The following SH2B2 variants were observed in gnomAD, a reference collection of about 807,000 sequenced individuals.
SH2B2 encodes SH2B adaptor protein 2, also known as SH2B adapter protein 2.
In SH2B2, 37 loss-of-function variants were observed where a neutral mutation model predicts 35.7. The observed-to-expected ratio is 1.04, with a 90% confidence interval of 0.80 to 1.36. SH2B2 has a LOEUF of 1.36. Ranked by LOEUF, SH2B2 falls within the 40% of genes most tolerant of loss-of-function variation. The probability of loss-of-function intolerance (pLI) is 0.00; values close to 1 mark genes in which losing one functional copy is unlikely to be tolerated. For missense variants in SH2B2, 852 were observed against 817.7 expected (o/e 1.04, Z -0.51); for synonymous variants, 383 against 376.4 (o/e 1.02, Z -0.20).
At chr7:102,320,666 TC>T (rs1359029223) in intron 8 of SH2B2, among the ~76,000 whole-genome samples, 164 bp downstream of exon 8, 3 of 151,776 alleles carry the variant, frequency 2.0e-5, no homozygotes, top group Admixed American at 2.0e-4. Flanking sequence ...AGCAGTCACG[TC>T]ATAAGGAATG....
intron 1 of SH2B2, among the ~76,000 whole-genome samples, chr7:102,296,371 C>G (rs1792913675): frequency 6.6e-6 from 1 of 152,190 alleles, no homozygotes; most frequent in Admixed American, 6.5e-5. Context: ...CCTGGGAGGA[C>G]AGGCGAGGGC....
chr7:102,315,922 GC>G (rs1360889560), intron 6 of SH2B2, among the ~76,000 whole-genome samples: 13 of 152,026 alleles, frequency 8.6e-5, no homozygotes, highest in African/African-American at 2.4e-4. Context: ...GTCCTTCACA[GC>G]TCTGTGCCTC....
Position 102,321,605 on chromosome 7 carries a change from TGGA to T in SH2B2, c.1876_1878del (p.Glu626del). The stretch of plus-strand genomic sequence containing the variant: ...GCCGCGCCCGGCCGCGCGCGCGCCG[TGGA>T]GAACCAGTACTCCTTCTACTAGCCC... On this transcript the variant is annotated inframe_deletion, in exon 9 of 9. Transcript: ENST00000444095. 1 of 1,159,190 alleles carries T rather than the reference TGGA, an allele frequency of 8.6e-7. No individual in the cohort carries two copies. The highest frequency in any genetic ancestry group is 1.1e-6 in the Non-Finnish European group (1 of 941,964). 71.8% of individuals were successfully genotyped at this position (1,159,190 alleles called of 1,614,324 possible). A position where few individuals can be genotyped will look rare whatever the true frequency, so the allele number is the denominator to read the frequency against.
intron 1 of SH2B2, 117 bp from the exon 2 acceptor site, chr7:102,300,405 T>A (rs1431864988): frequency 8.0e-7 from 1 of 1,253,076 alleles, no homozygotes; most frequent in Non-Finnish European, 1.1e-6. Context: ...CACACACGTG[T>A]GCATGTACAC....
intron 1 of SH2B2, among the ~76,000 whole-genome samples, chr7:102,289,963 C>T (rs1792610015): frequency 1.3e-5 from 2 of 152,100 alleles, no homozygotes; most frequent in South Asian, 2.1e-4. Flanking sequence ...ACTGGGTGCT[C>T]CTGAAGGAGG....
At chr7:102,310,371 G>A (rs369112087) in intron 4 of SH2B2, among the ~76,000 whole-genome samples, 23 of 152,126 alleles carry the variant, frequency 1.5e-4, no homozygotes, top group African/African-American at 3.9e-4. Context: ...CCTGGGACTC[G>A]CAGGGAACAT....
intron 1 of SH2B2, among the ~76,000 whole-genome samples, chr7:102,299,196 G>GTTTTTTTTTTTTTTT (rs1793046884): frequency 3.4e-5 from 1 of 29,132 alleles, no homozygotes; most frequent in African/African-American, 1.6e-4. Context: ...ACCGCGCCTG[G>GTTTTTTTTTTTTTTT]CTTTTTTTTT....
Position 102,314,655 on chromosome 7 carries a change from G to A in SH2B2, c.1159G>A (p.Gly387Ser), listed in dbSNP as rs941182638. ...TFLQTLESPG[G>S]SGSDSNNTGE... is the part of the protein sequence containing the mutation. ...TCTGCAGACCCTGGAATCCCCGGGC[G>A]GCAGCGGCAGTGACAGCAATAACAC... The change falls in exon 6 of 9, where the codon GGC (glycine) becomes AGC (serine). Residue 387 changes from glycine to serine, a missense_variant. By Grantham distance (56) the Gly-to-Ser change is moderately conservative. Around this residue, in one of 3 missense-constraint regions of SH2B2, gnomAD observed 556 missense variants for 514.5 expected, o/e 1.08. Coordinates refer to ENST00000444095, the MANE Select transcript of SH2B2 (RefSeq NM_001359228.2). 28 of 398,384 alleles carry A rather than the reference G, an allele frequency of 7.0e-5. No homozygotes were observed. Among genetic ancestry groups the A allele is most frequent in the East Asian group, 2.1e-4 (6 of 27,928 alleles). The allele number at this position is 398,384 out of a possible 1,614,324, so 24.7% of individuals were successfully genotyped here. A position where few individuals can be genotyped will look rare whatever the true frequency, so the allele number is the denominator to read the frequency against.
upstream of SH2B2, chr7:102,285,289 C>T (rs377251580): frequency 3.9e-4 from 586 of 1,490,602 alleles, 5 homozygotes; most frequent in East Asian, 0.012. Context: ...GCTCTCCCCT[C>T]TCCCAGGAGG....
chr7:102,287,364 C>G (rs1792495709), intron 1 of SH2B2, among the ~76,000 whole-genome samples: 1 of 152,112 alleles, frequency 6.6e-6, no homozygotes, highest in Non-Finnish European at 1.5e-5. Context: ...TCTGGAGCAG[C>G]TGCGCCCCCG....
rs534895730 is a variant in SH2B2, at chr7:102,321,424, G to A, written c.1693G>A (p.Gly565Ser). The A allele has an allele frequency of 1.8e-3, 2,426 of 1,323,600 alleles. 37 individuals are homozygous for A. In the African/African-American group the frequency reaches 0.032, roughly 18 times the overall value. The allele number at this position is 1,323,600 out of a possible 1,614,324, so 82.0% of individuals were successfully genotyped here. A position where few individuals can be genotyped will look rare whatever the true frequency, so the allele number is the denominator to read the frequency against. The change falls in exon 9 of 9, where the codon GGC becomes AGC. Residue 565 changes from glycine to serine, a missense_variant. Coordinates refer to ENST00000444095, the MANE Select transcript of SH2B2 (RefSeq NM_001359228.2). ...CPPASPSDAA[G>S]ASSSSASSSS... ...GCCTGCCTCGCCCTCCGACGCCGCC[G>A]GCGCCTCCTCGTCTTCCGCCTCGTC...
chr7:102,315,938 T>C (rs1563567264), intron 6 of SH2B2, among the ~76,000 whole-genome samples: 1 of 151,736 alleles, frequency 6.6e-6, no homozygotes. Flanking sequence ...TGCCTCAGTT[T>C]ACCTCATAGA....
chr7:102,301,561 T>TCC (rs1793194883), intron 2 of SH2B2, among the ~76,000 whole-genome samples: 2 of 128,538 alleles, frequency 1.6e-5, no homozygotes, highest in Non-Finnish European at 1.5e-5. Context: ...TGTGTGTCCG[T>TCC]GTGTGTGTGT....
At chr7:102,288,612 C>T (rs1792549929) in intron 1 of SH2B2, among the ~76,000 whole-genome samples, 1 of 152,134 alleles carries the variant, frequency 6.6e-6, no homozygotes. Flanking sequence ...TACAAATACC[C>T]AGGGGTGGGC....
At chr7:102,286,227 G>C (rs376454951), upstream of SH2B2, among the ~76,000 whole-genome samples, 489 of 152,334 alleles carry the variant, frequency 3.2e-3, 3 homozygotes, top group African/African-American at 0.011. Context: ...CAGGGGGGCC[G>C]TCCCGCCCTG....
At chr7:102,317,479 C>A in intron 7 of SH2B2, 84 bp downstream of exon 7, 2 of 1,284,568 alleles carry the variant, frequency 1.6e-6, no homozygotes, top group Non-Finnish European at 2.1e-6. Flanking sequence ...TGAGGCTGTG[C>A]CCTGGAAGCA....
intron 1 of SH2B2, among the ~76,000 whole-genome samples, chr7:102,295,420 C>T (rs1255014753): frequency 6.6e-6 from 1 of 152,212 alleles, no homozygotes; most frequent in African/African-American, 2.4e-5. Flanking sequence ...CACCCCCACC[C>T]CAGGAAATAC....
At chr7:102,291,900 CTG>C (rs1370338057) in intron 1 of SH2B2, among the ~76,000 whole-genome samples, 2 of 152,168 alleles carry the variant, frequency 1.3e-5, no homozygotes, top group African/African-American at 2.4e-5. Flanking sequence ...CAAAGAGCAT[CTG>C]TGTCCTGCCC....
intron 1 of SH2B2, among the ~76,000 whole-genome samples, chr7:102,288,309 G>A (rs1018229031): frequency 1.3e-5 from 2 of 152,104 alleles, no homozygotes; most frequent in Admixed American, 6.5e-5. Context: ...CTTTGGGAGA[G>A]GTCTGGTGGT....
Sources: gnomAD v4.1 joint callset for allele counts (sites outside exome capture counted in the v4.1 genomes callset) on GRCh38, gnomAD v4.1.1 for gene constraint, gnomAD v4.1.1 regional missense constraint, MANE v1.5 for transcripts, NCBI Gene and HGNC (gene_info 2026-07-23, HGNC 2026-07-21) for gene names.